The following ANO4 variants were observed in gnomAD, a reference collection of about 807,000 sequenced individuals.
ANO4 encodes the protein anoctamin-4.
A neutral mutation model predicts 141.9 loss-of-function variants in ANO4; 69 were observed. The observed-to-expected ratio is 0.49, with a 90% CI of 0.40 to 0.59. ANO4 has a LOEUF of 0.59. Ranked by LOEUF, ANO4 falls within the 20% of genes least tolerant of loss-of-function variation. The pLI is 0.00. For synonymous variants in ANO4, 350 were observed against 394.3 expected, an observed-to-expected ratio of 0.89 and a Z score of 1.33; for missense variants, 894 against 1,162.2, an observed-to-expected ratio of 0.77 and a Z score of 3.36.
intron 25 of ANO4, 102 bp downstream of exon 25, chr12:101,116,900 T>A: frequency 6.7e-7 from 1 of 1,495,370 alleles, no homozygotes; most frequent in Non-Finnish European, 9.2e-7. Context: ...TTTAAAGCAG[T>A]GACTGTCAAT....
chr12:101,069,945 A>G (rs1250902891), intron 14 of ANO4, among the ~76,000 whole-genome samples: 1 of 152,004 alleles, frequency 6.6e-6, no homozygotes, highest in Non-Finnish European at 1.5e-5. Context: ...GGGACAGTGT[A>G]TGTCTTTGGC....
chr12:101,056,729 T>C (rs1330879220), intron 14 of ANO4, among the ~76,000 whole-genome samples: 2 of 151,886 alleles, frequency 1.3e-5, no homozygotes, highest in African/African-American at 4.8e-5. Context: ...TTTTCATATA[T>C]GTCTGTTATC....
intron 1 of ANO4, among the ~76,000 whole-genome samples, chr12:100,720,002 C>T (rs986683487): frequency 1.4e-4 from 22 of 152,182 alleles, no homozygotes; most frequent in South Asian, 4.1e-4. Context: ...AAGGCCTCAA[C>T]CCTTTATACT....
chr12:100,753,325 A>T (rs1482919190), intron 3 of ANO4, among the ~76,000 whole-genome samples: 5 of 152,168 alleles, frequency 3.3e-5, no homozygotes, highest in Non-Finnish European at 5.9e-5. Context: ...ACAATCTATC[A>T]CAGCCTCTCT....
chr12:100,853,697 G>A (rs530466541), intron 1 of ANO4, among the ~76,000 whole-genome samples: 7 of 152,044 alleles, frequency 4.6e-5, no homozygotes, highest in East Asian at 1.9e-4. Flanking sequence ...GCATACTTCC[G>A]TGACCTATTA....
intron 1 of ANO4, among the ~76,000 whole-genome samples, chr12:100,806,523 C>CTTTCTT (rs1593379234): frequency 6.7e-5 from 3 of 44,982 alleles, no homozygotes; most frequent in East Asian, 2.2e-3. Context: ...TTTTTTGTTT[C>CTTTCTT]GTTTTTTTTT....
chr12:100,993,897 C>T lies in ANO4; in HGVS notation c.734+6227C>T, dbSNP rs914641733. Among the ~76,000 whole-genome samples, 5 of 152,266 alleles carry T rather than the reference C, an allele frequency of 3.3e-5. No homozygotes were observed. In the South Asian group the frequency reaches 6.2e-4, roughly 19 times the overall value. On this transcript the variant is annotated intron_variant, in intron 8 of 27. Coordinates refer to ENST00000392977, the MANE Select transcript of ANO4 (RefSeq NM_001286615.2). Reference sequence around the variant, plus strand: ...GAGTGATAGAGCAGGAATTCAGGTTCGAACAGGAAGGCTCTAGGTCTCACC... The same window carrying T: ...GAGTGATAGAGCAGGAATTCAGGTTTGAACAGGAAGGCTCTAGGTCTCACC...
intron 1 of ANO4, among the ~76,000 whole-genome samples, chr12:100,865,955 G>A (rs1420216174): frequency 1.3e-5 from 2 of 152,138 alleles, no homozygotes; most frequent in African/African-American, 4.8e-5. Context: ...GAAAGCCACT[G>A]GGGTAGTAAT....
At chr12:101,091,852 G>T (rs1345990319) in intron 17 of ANO4, among the ~76,000 whole-genome samples, 1 of 151,820 alleles carries the variant, frequency 6.6e-6, no homozygotes, top group African/African-American at 2.4e-5. Flanking sequence ...TTTTTATATA[G>T]TATTTACTTT....
chr12:100,967,040 A>C (rs1265200375), intron 5 of ANO4, among the ~76,000 whole-genome samples: 1 of 152,066 alleles, frequency 6.6e-6, no homozygotes, highest in Non-Finnish European at 1.5e-5. Flanking sequence ...AATTTATTAA[A>C]TAGAAGGTTT....
intron 8 of ANO4, among the ~76,000 whole-genome samples, chr12:101,012,909 C>T (rs989656623): frequency 1.3e-5 from 2 of 152,148 alleles, no homozygotes; most frequent in African/African-American, 4.8e-5. Flanking sequence ...GTCAAGGATG[C>T]ATCTCAAGTT....
At chr12:100,918,906 G>T (rs1410967015) in intron 2 of ANO4, among the ~76,000 whole-genome samples, 1 of 152,116 alleles carries the variant, frequency 6.6e-6, no homozygotes, top group Non-Finnish European at 1.5e-5. Context: ...CTCCATTCAT[G>T]TTATTGCCCC....
chr12:100,850,186 A>G (rs1349237527), intron 1 of ANO4, among the ~76,000 whole-genome samples: 1 of 152,228 alleles, frequency 6.6e-6, no homozygotes, highest in Admixed American at 6.5e-5. Context: ...TTTTATCAGT[A>G]TTTCTGCCAT....
At chr12:100,966,664 T>C (rs2043667114) in intron 5 of ANO4, among the ~76,000 whole-genome samples, 1 of 152,100 alleles carries the variant, frequency 6.6e-6, no homozygotes, top group South Asian at 2.1e-4. Context: ...ACTGAGTTTA[T>C]GATCTACCTC....
intron 5 of ANO4, among the ~76,000 whole-genome samples, chr12:100,960,333 T>C (rs1592845047): frequency 6.6e-6 from 1 of 152,252 alleles, no homozygotes; most frequent in Admixed American, 6.5e-5. Context: ...GGAAGTGATA[T>C]GAGTTGAGGT....
intron 3 of ANO4, among the ~76,000 whole-genome samples, chr12:100,766,242 C>T (rs1043893772): frequency 5.3e-5 from 8 of 152,080 alleles, no homozygotes; most frequent in African/African-American, 1.9e-4. Flanking sequence ...TGTCTGTGCT[C>T]TTATTTCTTT....
At chr12:100,811,924 C>T (rs1460856806) in intron 1 of ANO4, among the ~76,000 whole-genome samples, 8 of 152,140 alleles carry the variant, frequency 5.3e-5, no homozygotes, top group Admixed American at 5.2e-4. Context: ...CACTAACTGG[C>T]CCCTGTTTTG....
intron 1 of ANO4, among the ~76,000 whole-genome samples, chr12:100,858,868 A>G (rs565924515): frequency 1.3e-5 from 2 of 152,232 alleles, no homozygotes; most frequent in Admixed American, 1.3e-4. Flanking sequence ...GAGTGACTCA[A>G]ACATATATTG....
chr12:100,819,057 ATATG>A (rs1224032064), intron 1 of ANO4, among the ~76,000 whole-genome samples: 1 of 151,062 alleles, frequency 6.6e-6, no homozygotes, highest in Non-Finnish European at 1.5e-5. Context: ...GTGTATATAT[ATATG>A]TATGTGTGTA....
Sources: gnomAD v4.1 joint callset for allele counts (sites outside exome capture counted in the v4.1 genomes callset) on GRCh38, gnomAD v4.1.1 for gene constraint, MANE v1.5 for transcripts, NCBI Gene and HGNC (gene_info 2026-07-23, HGNC 2026-07-21) for gene names.